LRFN2: variants seen among roughly 807,000 people sequenced by gnomAD.
LRFN2 encodes leucine-rich repeat and fibronectin type-III domain-containing protein 2.
LRFN2 carries 18 observed loss-of-function variants against 37.3 expected under a neutral mutation model. The observed-to-expected ratio is 0.48, with a 90% CI of 0.33 to 0.72. The LOEUF is 0.72. LRFN2 is among the 30% of genes least tolerant of loss of function. The pLI, the probability that LRFN2 is intolerant of heterozygous loss-of-function variation, is 0.02. For synonymous variants in LRFN2, 556 were observed against 466.6 expected, an observed-to-expected ratio of 1.19 and a Z score of -2.47; for missense variants, 1,006 against 1,060.7, an observed-to-expected ratio of 0.95 and a Z score of 0.72.
chr6:40,487,559 G>A (rs1486405581), intron 1 of LRFN2, among the ~76,000 whole-genome samples: 2 of 152,270 alleles, frequency 1.3e-5, no homozygotes, highest in Non-Finnish European at 2.9e-5. Flanking sequence ...GATGGGAAAG[G>A]GAGGTAGGCA....
At chr6:40,537,006 A>G (rs1341709187) in intron 1 of LRFN2, among the ~76,000 whole-genome samples, 1 of 152,200 alleles carries the variant, frequency 6.6e-6, no homozygotes, top group Non-Finnish European at 1.5e-5. Context: ...CCTGTCTTCA[A>G]GGTAAGGAAA....
At chr6:40,554,995 C>A (rs1299772096) in intron 1 of LRFN2, among the ~76,000 whole-genome samples, 2 of 152,228 alleles carry the variant, frequency 1.3e-5, no homozygotes, top group African/African-American at 4.8e-5. Context: ...TCCATGCATG[C>A]TGGTGGAAAG....
At chr6:40,489,120 C>T (rs1304142754) in intron 1 of LRFN2, among the ~76,000 whole-genome samples, 1 of 152,148 alleles carries the variant, frequency 6.6e-6, no homozygotes, top group Non-Finnish European at 1.5e-5. Flanking sequence ...CACCTCACAG[C>T]ACACCAGGAA....
intron 1 of LRFN2, among the ~76,000 whole-genome samples, chr6:40,479,082 T>C (rs1483108514): frequency 1.3e-5 from 2 of 152,236 alleles, no homozygotes; most frequent in Non-Finnish European, 2.9e-5. Flanking sequence ...GCCTTAGGCA[T>C]TTGCTTCACT....
chr6:40,432,409 C>T lies in LRFN2; in HGVS notation c.705G>A (p.Leu235=). The T allele has an allele frequency of 6.2e-7, 1 of 1,614,112 alleles. No individual in the cohort carries two copies. Among genetic ancestry groups the T allele is most frequent in the Non-Finnish European group, 8.5e-7 (1 of 1,180,042 alleles). Residue 235 remains leucine, a synonymous_variant, in exon 2 of 3, where the codon TTG becomes TTA. Coordinates refer to ENST00000338305, the MANE Select transcript of LRFN2 (RefSeq NM_020737.3). ...GTGGGTTACCCCCAAAACTAAAGGA[C>T]AAGGGTGGGGCAAAGGGTGTGGCTG... is the stretch of plus-strand genomic sequence containing the variant. ...ALTATPFAPP[L]SFSFGGNPLH... is the part of the protein sequence containing the mutation.
intron 1 of LRFN2, among the ~76,000 whole-genome samples, chr6:40,472,038 C>A (rs577580619): frequency 1.3e-5 from 2 of 152,198 alleles, no homozygotes; most frequent in African/African-American, 2.4e-5. Flanking sequence ...ATGCCCCAGC[C>A]CCACTTGCAG....
At chr6:40,503,808 T>G (rs187567482) in intron 1 of LRFN2, among the ~76,000 whole-genome samples, 7 of 152,138 alleles carry the variant, frequency 4.6e-5, no homozygotes, top group Non-Finnish European at 8.8e-5. Flanking sequence ...TAGAGTCAAA[T>G]GCTGCTGAGA....
chr6:40,428,199 G>C (rs760723095), intron 2 of LRFN2, among the ~76,000 whole-genome samples: 2 of 152,234 alleles, frequency 1.3e-5, no homozygotes, highest in African/African-American at 4.8e-5. Flanking sequence ...TGCTGCTGCT[G>C]CTTTTCTCCT....
intron 1 of LRFN2, among the ~76,000 whole-genome samples, chr6:40,581,003 GGT>G (rs1561915420): frequency 6.6e-6 from 1 of 152,052 alleles, no homozygotes; most frequent in African/African-American, 2.4e-5. Context: ...CACTGGTGGG[GGT>G]GTGTGTGTAT....
Position 40,431,848 on chromosome 6 carries a change from C to CG in LRFN2, c.1265dup (p.Glu423GlyfsTer8). ...CTTCAGACACAAGCACAGCCCGTTC[C>CG]GGGGGGCTTTTGGGAGGCTCTCCGC... On this transcript the variant is annotated frameshift_variant, in exon 2 of 3. Transcript: ENST00000338305. LOFTEE classifies it high-confidence loss of function. 3 of 1,584,938 alleles carry CG rather than the reference C, an allele frequency of 1.9e-6. No individual in the cohort carries two copies.
intron 1 of LRFN2, among the ~76,000 whole-genome samples, chr6:40,507,496 G>A (rs1031835270): frequency 4.6e-5 from 7 of 152,214 alleles, no homozygotes; most frequent in African/African-American, 1.2e-4. Context: ...GATCGTATAA[G>A]TGGGACATGG....
intron 1 of LRFN2, among the ~76,000 whole-genome samples, chr6:40,557,213 C>A (rs1208650430): frequency 6.6e-6 from 1 of 152,208 alleles, no homozygotes; most frequent in Admixed American, 6.5e-5. Context: ...AGCACATGGC[C>A]CACCTTTTGC....
chr6:40,546,507 T>C (rs1459439461), intron 1 of LRFN2, among the ~76,000 whole-genome samples: 1 of 152,124 alleles, frequency 6.6e-6, no homozygotes, highest in East Asian at 1.9e-4. Flanking sequence ...CCAACACTGG[T>C]GGGAAGTCCA....
At chr6:40,549,854 A>G (rs1165082987) in intron 1 of LRFN2, among the ~76,000 whole-genome samples, 1 of 152,080 alleles carries the variant, frequency 6.6e-6, no homozygotes, top group East Asian at 1.9e-4. Flanking sequence ...CCTGGCCAAC[A>G]TGGCAAAAAA....
chr6:40,492,761 G>T (rs1387997946), intron 1 of LRFN2, among the ~76,000 whole-genome samples: 1 of 152,128 alleles, frequency 6.6e-6, no homozygotes, highest in Non-Finnish European at 1.5e-5. Flanking sequence ...CTGGAGGCCA[G>T]CCTCTCAGTC....
chr6:40,484,552 T>A (rs781107394), intron 1 of LRFN2, among the ~76,000 whole-genome samples: 2 of 152,130 alleles, frequency 1.3e-5, no homozygotes, highest in Admixed American at 1.3e-4. Flanking sequence ...ACTTCTGTGC[T>A]CCCTGGACTC....
intron 1 of LRFN2, among the ~76,000 whole-genome samples, chr6:40,561,153 G>C (rs1273472405): frequency 4.6e-5 from 7 of 152,164 alleles, no homozygotes; most frequent in African/African-American, 1.7e-4. Context: ...TCAGGCCCAA[G>C]GGAAAGGGCA....
intron 1 of LRFN2, among the ~76,000 whole-genome samples, chr6:40,476,434 A>G (rs60515986): frequency 0.18 from 27,682 of 152,184 alleles, 4,626 homozygotes; most frequent in African/African-American, 0.44. Flanking sequence ...CAGGGCCCAC[A>G]TTCTCTTGTG....
chr6:40,550,137 A>G (rs1315526576), intron 1 of LRFN2, among the ~76,000 whole-genome samples: 3 of 152,218 alleles, frequency 2.0e-5, no homozygotes, highest in Non-Finnish European at 4.4e-5. Flanking sequence ...ACAGCCAGTA[A>G]GCAAACGGCA....
Sources: allele counts gnomAD v4.1 joint callset (sites outside exome capture counted in the v4.1 genomes callset), GRCh38; gene constraint gnomAD v4.1.1; transcripts MANE v1.5; gene names NCBI Gene and HGNC (gene_info 2026-07-23, HGNC 2026-07-21).